The following PC variants were observed in gnomAD, a reference collection of about 807,000 sequenced individuals.
The protein encoded by PC is pyruvate carboxylase.
In PC, 46 loss-of-function variants were observed where a neutral mutation model predicts 107.8. The observed-to-expected ratio is 0.43, with a 90% CI of 0.34 to 0.55. PC has a LOEUF of 0.55. Among genes scored for constraint, PC ranks in the 20% least tolerant of loss-of-function variants. PC has a pLI of 0.04. For missense variants in PC, 1,241 were observed against 1,643.1 expected, an observed-to-expected ratio of 0.76 and a Z score of 4.23; for synonymous variants, 662 against 684.7, an observed-to-expected ratio of 0.97 and a Z score of 0.52.
intron 3 of PC, among the ~76,000 whole-genome samples, chr11:66,901,162 GC>G (rs1404586344): frequency 1.3e-5 from 2 of 152,164 alleles, no homozygotes; most frequent in Admixed American, 6.5e-5. Context: ...TTGGGGAAAG[GC>G]TACCTGGTTG....
At chr11:66,900,185 T>TG (rs1330706210) in intron 3 of PC, among the ~76,000 whole-genome samples, 1 of 146,978 alleles carries the variant, frequency 6.8e-6, no homozygotes, top group Non-Finnish European at 1.5e-5. Flanking sequence ...GTTGTTTTTT[T>TG]TTTTTTTTTT....
At position 66,868,776 on chromosome 11, in the gene PC, C is replaced by A. The variant is rs979804046; in HGVS notation, c.1022+70G>T. The stretch of plus-strand genomic sequence containing the variant: ...CAAGCCCCCTGGCTGGCCCCAGGAG[C>A]CACTTCGCCTGTACTTTATGCAAAT... On this transcript the variant is annotated intron_variant, in intron 10 of 22. Transcript: ENST00000393960. 6.5e-6 allele frequency: 8 copies of A among 1,235,032 alleles called. No homozygotes were observed. In the African/African-American group the frequency reaches 8.8e-5, roughly 14 times the overall value. 76.5% of individuals were successfully genotyped at this position (1,235,032 alleles called of 1,614,324 possible). A position where few individuals can be genotyped will look rare whatever the true frequency, so the allele number is the denominator to read the frequency against.
At chr11:66,933,661 G>A (rs1948920285) in intron 3 of PC, among the ~76,000 whole-genome samples, 1 of 151,992 alleles carries the variant, frequency 6.6e-6, no homozygotes, top group Non-Finnish European at 1.5e-5. Flanking sequence ...CTTTTCTTCT[G>A]TGACACTTTA....
At chr11:66,948,216 A>G (rs1949352305) in intron 3 of PC, among the ~76,000 whole-genome samples, 2 of 152,042 alleles carry the variant, frequency 1.3e-5, no homozygotes, top group South Asian at 4.1e-4. Context: ...TAAAAAAAAA[A>G]AAAAGAAGGA....
At chr11:66,854,216 C>G (rs1945673237) in intron 12 of PC, among the ~76,000 whole-genome samples, 1 of 152,260 alleles carries the variant, frequency 6.6e-6, no homozygotes, top group African/African-American at 2.4e-5. Context: ...CACCGCCTTC[C>G]TCATTGTGGC....
chr11:66,876,001 G>A (rs1946963082), intron 3 of PC, among the ~76,000 whole-genome samples: 1 of 152,132 alleles, frequency 6.6e-6, no homozygotes. Context: ...CAGAATAACT[G>A]GCTTGGACTC....
chr11:66,853,780 C>A (rs1462644004), intron 12 of PC, among the ~76,000 whole-genome samples: 1 of 152,254 alleles, frequency 6.6e-6, no homozygotes, highest in African/African-American at 2.4e-5. Context: ...GTCACTCCTC[C>A]CAGCTGAGTC....
chr11:66,860,385 C>A, intron 12 of PC: 2 of 823,688 alleles, frequency 2.4e-6, no homozygotes, highest in Non-Finnish European at 4.0e-6. Flanking sequence ...CAGGCCCCTC[C>A]AACAGGTGCT....
At position 66,850,655 on chromosome 11, in the gene PC, G is replaced by C; in HGVS notation, c.2473+19C>G. ...GCGGCTTTGAGAGGGGTGTGGCCAC[G>C]GGCTGCTGTTCTTCCTACCTGTGTC... On this transcript the variant is annotated intron_variant, in intron 18 of 22. Coordinates refer to ENST00000393960, the MANE Select transcript of PC (RefSeq NM_001040716.2). 1 of 1,605,924 alleles carries C rather than the reference G, an allele frequency of 6.2e-7. No individual in the cohort carries two copies. Among genetic ancestry groups the C allele is most frequent in the Non-Finnish European group, 8.5e-7 (1 of 1,179,584 alleles).
At chr11:66,937,178 G>A (rs1163019516) in intron 3 of PC, among the ~76,000 whole-genome samples, 1 of 152,128 alleles carries the variant, frequency 6.6e-6, no homozygotes, top group Non-Finnish European at 1.5e-5. Context: ...AAGGAAGCTT[G>A]ACTAATTGTT....
chr11:66,924,426 A>AAAAG (rs1299041390), intron 3 of PC, among the ~76,000 whole-genome samples: 1 of 150,796 alleles, frequency 6.6e-6, no homozygotes, highest in East Asian at 1.9e-4. Flanking sequence ...CAATTAAAAA[A>AAAAG]AAAGAAAGAA....
intron 3 of PC, among the ~76,000 whole-genome samples, chr11:66,938,297 GAAA>G (rs35772367): frequency 6.6e-6 from 1 of 152,014 alleles, no homozygotes; most frequent in Non-Finnish European, 1.5e-5. Context: ...CTCGAGTTCT[GAAA>G]AAGTTGGTTT....
At position 66,866,374 on chromosome 11, in the gene PC, G is replaced by C; in HGVS notation, c.1023-25C>G. The C allele has an allele frequency of 2.1e-6, 3 of 1,407,452 alleles. No individual in the cohort carries two copies. The highest frequency in any genetic ancestry group is 2.9e-6 in the Non-Finnish European group (3 of 1,019,948). 87.2% of individuals were successfully genotyped at this position (1,407,452 alleles called of 1,614,324 possible). A position where few individuals can be genotyped will look rare whatever the true frequency, so the allele number is the denominator to read the frequency against. ...GCTGTAGGGCATTGGGGGGAGGGGG[G>C]AAAGGACGGGAGAAAGGGGGAAACA... On this transcript the variant is annotated intron_variant, in intron 10 of 22. Transcript: ENST00000393960. This position sits in a 1 kb window ranked among gnomAD's most constrained non-coding sequence, Gnocchi z 5.4.
intron 3 of PC, among the ~76,000 whole-genome samples, chr11:66,918,260 C>T (rs1948508893): frequency 1.3e-5 from 2 of 151,822 alleles, no homozygotes; most frequent in African/African-American, 2.4e-5. Context: ...CTAGGTAGGG[C>T]GTGGTGGCTC....
At position 66,850,903 on chromosome 11, in the gene PC, C is replaced by T. The variant is rs1473940921; in HGVS notation, c.2244G>A (p.Lys748=). The T allele has an allele frequency of 8.1e-6, 13 of 1,609,646 alleles. No homozygotes were observed. Among genetic ancestry groups the T allele is most frequent in the Non-Finnish European group, 1.1e-5 (13 of 1,179,940 alleles). ...LCIKDMAGLL[K]PTACTMLVSS... ...TGACCAGCATGGTGCAGGCCGTGGG[C>T]TTCAGCAGCCCGGCCATGTCCTGGG... Residue 748 remains lysine (K), a synonymous_variant, in exon 18 of 23, where the codon AAG becomes AAA. Transcript: ENST00000393960.
intron 3 of PC, among the ~76,000 whole-genome samples, chr11:66,898,541 G>A (rs931560410): frequency 1.3e-5 from 2 of 152,140 alleles, no homozygotes; most frequent in Non-Finnish European, 2.9e-5. Flanking sequence ...TTCGCTGGGC[G>A]TGGTGGCAGG....
At chr11:66,853,899 C>T (rs1453559952) in intron 12 of PC, among the ~76,000 whole-genome samples, 1 of 152,262 alleles carries the variant, frequency 6.6e-6, no homozygotes, top group East Asian at 1.9e-4. Context: ...CCCCAGGAGG[C>T]CCCGTCCCGG....
intron 3 of PC, among the ~76,000 whole-genome samples, chr11:66,886,850 C>T (rs150860361): frequency 1.4e-4 from 22 of 152,306 alleles, no homozygotes; most frequent in African/African-American, 5.3e-4. Context: ...TGGGAGTCAT[C>T]CCAGCCCGCT....
chr11:66,886,012 G>A (rs960901939), intron 3 of PC, among the ~76,000 whole-genome samples: 7 of 152,230 alleles, frequency 4.6e-5, no homozygotes, highest in African/African-American at 1.7e-4. Context: ...GTGGCTTTCA[G>A]AGCATGTCGC....
Sources: allele counts gnomAD v4.1 joint callset (sites outside exome capture counted in the v4.1 genomes callset), GRCh38; gene constraint gnomAD v4.1.1; non-coding constraint Gnocchi (gnomAD v3.1); transcripts MANE v1.5; gene names NCBI Gene and HGNC (gene_info 2026-07-23, HGNC 2026-07-21).